The following ANKRD6 variants were observed in gnomAD, a reference collection of about 807,000 sequenced individuals.
ANKRD6 encodes ankyrin repeat domain 6, also known as ankyrin repeat domain-containing protein 6.
In ANKRD6, 56 loss-of-function variants were observed where a neutral mutation model predicts 82.3. The ratio of observed to expected loss-of-function variants is 0.68; its 90% CI spans 0.55 to 0.85. ANKRD6 has a LOEUF of 0.85. Among genes scored for constraint, ANKRD6 ranks in the 40% least tolerant of loss-of-function variants. The probability of loss-of-function intolerance (pLI) is 0.00; values close to 1 mark genes in which losing one functional copy is unlikely to be tolerated. For missense variants in ANKRD6, 852 were observed against 907.6 expected (o/e 0.94, Z 0.79); for synonymous variants, 347 against 352.1 (o/e 0.99, Z 0.16).
At chr6:89,499,752 C>G (rs1248970748) in intron 1 of ANKRD6, among the ~76,000 whole-genome samples, 1 of 152,168 alleles carries the variant, frequency 6.6e-6, no homozygotes, top group African/African-American at 2.4e-5. Context: ...TGAGACACTG[C>G]TGTACTGACT....
At chr6:89,613,961 C>T in intron 7 of ANKRD6, 71 bp downstream of exon 7, 2 of 1,484,282 alleles carry the variant, frequency 1.3e-6, no homozygotes, top group Non-Finnish European at 9.2e-7. Flanking sequence ...TCTGTTAGTG[C>T]AAACGGGAGC....
chr6:89,470,843 CCCAACTGCCCATCAAAA>C (rs1334842087), intron 1 of ANKRD6, among the ~76,000 whole-genome samples: 2 of 152,016 alleles, frequency 1.3e-5, no homozygotes, highest in African/African-American at 4.8e-5. Flanking sequence ...GCTGTTAATG[CCCAACTGCCCATCAAAA>C]AGGTAATGTT....
At chr6:89,438,344 C>G (rs1299508019) in intron 1 of ANKRD6, among the ~76,000 whole-genome samples, 1 of 152,124 alleles carries the variant, frequency 6.6e-6, no homozygotes, top group Non-Finnish European at 1.5e-5. Context: ...TTCATGTGGT[C>G]TCCAGAGTCA....
At chr6:89,490,158 A>T (rs1053014230) in intron 1 of ANKRD6, among the ~76,000 whole-genome samples, 1 of 152,186 alleles carries the variant, frequency 6.6e-6, no homozygotes, top group Non-Finnish European at 1.5e-5. Context: ...GTTCAATTGC[A>T]TGCGCATTTG....
At chr6:89,562,032 CAG>C (rs1261705105) in intron 1 of ANKRD6, among the ~76,000 whole-genome samples, 2 of 152,160 alleles carry the variant, frequency 1.3e-5, no homozygotes, top group African/African-American at 4.8e-5. Context: ...TCTTTAGAGA[CAG>C]AGAGGAAAAT....
chr6:89,448,805 C>T (rs1772419464), intron 1 of ANKRD6, among the ~76,000 whole-genome samples: 3 of 151,952 alleles, frequency 2.0e-5, no homozygotes, highest in South Asian at 2.1e-4. Flanking sequence ...CCGAGATGGG[C>T]GGATCACGAG....
chr6:89,512,228 A>G (rs1209607979), intron 1 of ANKRD6, among the ~76,000 whole-genome samples: 5 of 152,240 alleles, frequency 3.3e-5, no homozygotes, highest in Non-Finnish European at 7.3e-5. Context: ...AGTAAAAATT[A>G]TCTTCTGCTT....
At chr6:89,541,183 A>G (rs574342823) in intron 1 of ANKRD6, among the ~76,000 whole-genome samples, 1 of 152,104 alleles carries the variant, frequency 6.6e-6, no homozygotes, top group Non-Finnish European at 1.5e-5. Flanking sequence ...GTATTTTGAT[A>G]AGGATTACAC....
intron 1 of ANKRD6, among the ~76,000 whole-genome samples, chr6:89,524,607 AT>A (rs967660752): frequency 6.6e-6 from 1 of 151,958 alleles, no homozygotes; most frequent in Non-Finnish European, 1.5e-5. Context: ...TATATACCAC[AT>A]TTTTTTTAGC....
At chr6:89,568,815 C>T (rs201266826) in intron 2 of ANKRD6, among the ~76,000 whole-genome samples, 7 of 152,056 alleles carry the variant, frequency 4.6e-5, no homozygotes, top group Admixed American at 6.6e-5. Flanking sequence ...TCACGCATCC[C>T]GGCCTCCAGA....
chr6:89,454,379 T>G (rs1434895619), intron 1 of ANKRD6, among the ~76,000 whole-genome samples: 1 of 152,208 alleles, frequency 6.6e-6, no homozygotes, highest in East Asian at 1.9e-4. Context: ...TTCCTTCAAT[T>G]TATTCATTTT....
At chr6:89,527,776 G>A (rs1234371026) in intron 1 of ANKRD6, among the ~76,000 whole-genome samples, 1 of 151,988 alleles carries the variant, frequency 6.6e-6, no homozygotes, top group Admixed American at 6.6e-5. Flanking sequence ...GGTGGTGGCT[G>A]CTAAAGGTTG....
At chr6:89,552,287 T>A (rs554547829) in intron 1 of ANKRD6, among the ~76,000 whole-genome samples, 1 of 152,216 alleles carries the variant, frequency 6.6e-6, no homozygotes, top group South Asian at 2.1e-4. Flanking sequence ...GTTAGAGTGC[T>A]TCTTCCTGCC....
At chr6:89,455,605 C>T (rs1358301475) in intron 1 of ANKRD6, among the ~76,000 whole-genome samples, 4 of 151,972 alleles carry the variant, frequency 2.6e-5, no homozygotes, top group South Asian at 4.1e-4. Context: ...GGTTTAGCAC[C>T]GTCCTCTTGG....
intron 1 of ANKRD6, among the ~76,000 whole-genome samples, chr6:89,526,416 G>A (rs1227947331): frequency 6.6e-6 from 1 of 152,164 alleles, no homozygotes; most frequent in East Asian, 1.9e-4. Context: ...TCAAGAAAGA[G>A]TAACAGCAGC....
At chr6:89,517,820 T>C (rs1405396366) in intron 1 of ANKRD6, among the ~76,000 whole-genome samples, 1 of 152,226 alleles carries the variant, frequency 6.6e-6, no homozygotes, top group Non-Finnish European at 1.5e-5. Flanking sequence ...GGGACTATGA[T>C]ATGTAATGGG....
At chr6:89,542,551 C>T (rs919920360) in intron 1 of ANKRD6, among the ~76,000 whole-genome samples, 1 of 152,164 alleles carries the variant, frequency 6.6e-6, no homozygotes, top group Non-Finnish European at 1.5e-5. Flanking sequence ...TATACAAAAC[C>T]AAGTCCTTTG....
chr6:89,525,489 A>G (rs1022204280), intron 1 of ANKRD6, among the ~76,000 whole-genome samples: 2 of 152,106 alleles, frequency 1.3e-5, no homozygotes, highest in African/African-American at 4.8e-5. Context: ...CTGTTGTCCA[A>G]AGGACCACCA....
chr6:89,569,073 C>A (rs965987285), intron 2 of ANKRD6, among the ~76,000 whole-genome samples: 1 of 151,872 alleles, frequency 6.6e-6, no homozygotes, highest in South Asian at 2.1e-4. Context: ...ACCAACATGC[C>A]TGCCTAATTT....
Sources: gnomAD v4.1 joint callset for allele counts (sites outside exome capture counted in the v4.1 genomes callset) on GRCh38, gnomAD v4.1.1 for gene constraint, MANE v1.5 for transcripts, NCBI Gene and HGNC (gene_info 2026-07-23, HGNC 2026-07-21) for gene names.